KAZN: variants seen among roughly 807,000 people sequenced by gnomAD.
KAZN encodes the protein kazrin, periplakin interacting protein.
In KAZN, 40 loss-of-function variants were observed where a neutral mutation model predicts 87.4. That is an observed-to-expected ratio of 0.46 (90% CI 0.36 to 0.60). The LOEUF (loss-of-function observed/expected upper bound fraction) is 0.60, where lower values mean the gene tolerates loss of function less well. Among genes scored for constraint, KAZN ranks in the 20% least tolerant of loss-of-function variants. The probability of loss-of-function intolerance (pLI) is 0.00; values close to 1 mark genes in which losing one functional copy is unlikely to be tolerated. For synonymous variants in KAZN, 466 were observed against 458.3 expected (o/e 1.02, Z -0.22); for missense variants, 898 against 1,073.9 (o/e 0.84, Z 2.29).
intron 2 of KAZN, among the ~76,000 whole-genome samples, chr1:14,299,700 G>A (rs1408865140): frequency 6.6e-6 from 1 of 152,140 alleles, no homozygotes; most frequent in Non-Finnish European, 1.5e-5. Context: ...CTCCTTAGCT[G>A]GCGGCACCTA....
At chr1:15,106,212 G>A (rs944284813) in intron 13 of KAZN, among the ~76,000 whole-genome samples, 5 of 152,144 alleles carry the variant, frequency 3.3e-5, no homozygotes, top group Non-Finnish European at 4.4e-5. Context: ...GCCCGGGAGT[G>A]TGAGGCTGCA....
At chr1:14,453,265 T>C (rs2148335025) in intron 2 of KAZN, among the ~76,000 whole-genome samples, 1 of 152,260 alleles carries the variant, frequency 6.6e-6, no homozygotes. Context: ...AAAATAGGCC[T>C]CTCTTTTACT....
intron 2 of KAZN, among the ~76,000 whole-genome samples, chr1:14,434,924 C>T (rs1421246722): frequency 6.6e-6 from 1 of 152,168 alleles, no homozygotes; most frequent in African/African-American, 2.4e-5. Flanking sequence ...GCTGCTGACA[C>T]ACTTTGTCTG....
At chr1:14,847,294 C>T (rs1419258230) in intron 1 of KAZN, among the ~76,000 whole-genome samples, 1 of 152,188 alleles carries the variant, frequency 6.6e-6, no homozygotes, top group Admixed American at 6.5e-5. Flanking sequence ...AGTAGGGTGG[C>T]CACAAGCTCA....
chr1:13,914,355 A>T (rs1176021631), intron 1 of KAZN, among the ~76,000 whole-genome samples: 1 of 152,218 alleles, frequency 6.6e-6, no homozygotes, highest in Non-Finnish European at 1.5e-5. Context: ...GGATAATATT[A>T]TTGTTGACCT....
In KAZN at chr1:15,094,936, G is replaced by A. The variant is rs1478353209; in HGVS notation, c.1547+3G>A. ...CGTGATGCCGAGGCAGGCCGCAGGT[G>A]AGCCCACCACGAGGGGCCCCGGGGG... On this transcript the variant is annotated splice_donor_region_variant and intron_variant, in intron 10 of 14. Transcript: ENST00000376030. This position sits in a 1 kb window ranked among gnomAD's most constrained non-coding sequence, Gnocchi z 4.5. The A allele has an allele frequency of 2.6e-6, 4 of 1,546,764 alleles. No individual in the cohort carries two copies. In the Admixed American group the frequency reaches 5.9e-5, roughly 23 times the overall value.
chr1:15,109,945 G>C lies in KAZN; in HGVS notation c.2049-2482G>C, dbSNP rs111068859. Among the ~76,000 whole-genome samples, 9 of 151,230 alleles carry C rather than the reference G, an allele frequency of 6.0e-5. No individual in the cohort carries two copies. The East Asian group carries it at 7.8e-4, about 13-fold the overall frequency. ...TATGGGTGTGTGTGTGTGTGTGTTT[G>C]TGTATGTGTTTGTATATGTGTGTTT... is the stretch of plus-strand genomic sequence containing the variant. On this transcript the variant is annotated intron_variant, in intron 13 of 14. Transcript: ENST00000376030.
intron 1 of KAZN, among the ~76,000 whole-genome samples, chr1:13,992,013 A>C (rs754472390): frequency 2.6e-5 from 4 of 151,996 alleles, no homozygotes; most frequent in Non-Finnish European, 4.4e-5. Context: ...ACCACTACCA[A>C]CCAGATAACT....
intron 1 of KAZN, among the ~76,000 whole-genome samples, chr1:14,718,582 G>A (rs1427622339): frequency 6.6e-6 from 1 of 152,146 alleles, no homozygotes; most frequent in Admixed American, 6.5e-5. Context: ...CTAACATTTA[G>A]TTTGCTTTTG....
chr1:14,372,438 A>ATAAT (rs1660565853), intron 2 of KAZN, among the ~76,000 whole-genome samples: 1 of 152,228 alleles, frequency 6.6e-6, no homozygotes, highest in African/African-American at 2.4e-5. Flanking sequence ...TTTGGGCCAG[A>ATAAT]TAATTCTCTG....
At chr1:14,359,265 TC>T (rs1659303653) in intron 2 of KAZN, among the ~76,000 whole-genome samples, 1 of 152,144 alleles carries the variant, frequency 6.6e-6, no homozygotes, top group Admixed American at 6.5e-5. Flanking sequence ...TCTTTTTTTT[TC>T]CTTCTCCTTT....
intron 1 of KAZN, among the ~76,000 whole-genome samples, chr1:14,068,163 G>A (rs1473470261): frequency 6.6e-6 from 1 of 152,088 alleles, no homozygotes; most frequent in Non-Finnish European, 1.5e-5. Context: ...ACATATTGAT[G>A]CAGAAACAAA....
At chr1:15,014,707 G>A (rs1351771304) in intron 2 of KAZN, among the ~76,000 whole-genome samples, 1 of 152,174 alleles carries the variant, frequency 6.6e-6, no homozygotes, top group Non-Finnish European at 1.5e-5. Context: ...TAGAGCTAAG[G>A]AAGGGCAGTT....
Position 14,860,815 on chromosome 1 carries a change from A to T in KAZN, c.227-99869A>T, listed in dbSNP as rs1289863863. Among the ~76,000 whole-genome samples the T allele has an allele frequency of 2.6e-5, 4 of 152,254 alleles. No individual in the cohort carries two copies. The East Asian group carries it at 7.7e-4, about 29-fold the overall frequency. On this transcript the variant is annotated intron_variant, in intron 1 of 14. Coordinates refer to ENST00000376030, the MANE Select transcript of KAZN (RefSeq NM_201628.3). ...CAAAGTTTATCAGCTGAAAATATAA[A>T]GTCTTTTCTCAACAGACCTAAAATA...
chr1:14,147,140 A>G (rs374145528), intron 1 of KAZN, among the ~76,000 whole-genome samples: 126 of 152,320 alleles, frequency 8.3e-4, no homozygotes, highest in African/African-American at 2.9e-3. Context: ...CAATATACAT[A>G]ACACAAAATA....
At chr1:14,607,755 G>A (rs913179235) in intron 1 of KAZN, among the ~76,000 whole-genome samples, 1 of 152,104 alleles carries the variant, frequency 6.6e-6, no homozygotes, top group Non-Finnish European at 1.5e-5. Context: ...TATGGGAAAG[G>A]GAACAGTGGA....
chr1:14,071,224 G>T (rs1340369585), intron 1 of KAZN, among the ~76,000 whole-genome samples: 1 of 152,090 alleles, frequency 6.6e-6, no homozygotes, highest in Non-Finnish European at 1.5e-5. Context: ...CAGTTAAATG[G>T]ACCCAAACTG....
chr1:14,512,690 T>TGCTGTTCCGACACCCACTGGCACATTC (rs1180162878), intron 2 of KAZN, among the ~76,000 whole-genome samples: 7 of 152,246 alleles, frequency 4.6e-5, no homozygotes, highest in African/African-American at 1.7e-4. Context: ...GCCTGCCGGC[T>TGCTGTTCCGACACCCACTGGCACATTC]GCTGTTCCGA....
chr1:14,352,207 A>G (rs947070339), intron 2 of KAZN, among the ~76,000 whole-genome samples: 3 of 152,158 alleles, frequency 2.0e-5, no homozygotes, highest in African/African-American at 7.2e-5. Context: ...ACATCTATCT[A>G]CATACATGGT....
Sources: gnomAD v4.1 joint callset for allele counts (sites outside exome capture counted in the v4.1 genomes callset) on GRCh38, gnomAD v4.1.1 for gene constraint, Gnocchi (gnomAD v3.1) non-coding constraint, MANE v1.5 for transcripts, NCBI Gene and HGNC (gene_info 2026-07-23, HGNC 2026-07-21) for gene names.